PRSS12: variants seen among roughly 807,000 people sequenced by gnomAD.
PRSS12 encodes the protein neurotrypsin.
Under a neutral mutation model 104.4 loss-of-function variants are expected in PRSS12, and 85 were observed. The observed-to-expected ratio is 0.81, with a 90% CI of 0.68 to 0.98. The LOEUF (loss-of-function observed/expected upper bound fraction) is 0.98. Among genes scored for constraint, PRSS12 ranks in the 50% least tolerant of loss-of-function variants. The pLI is 0.00. For missense variants in PRSS12, 1,141 were observed against 1,139.2 expected (o/e 1.00, Z -0.02); for synonymous variants, 454 against 425.2 (o/e 1.07, Z -0.83).
intron 11 of PRSS12, among the ~76,000 whole-genome samples, chr4:118,291,176 T>C (rs141461145): frequency 6.6e-6 from 1 of 152,278 alleles, no homozygotes; most frequent in Non-Finnish European, 1.5e-5. Context: ...GGTTTCCCAC[T>C]ACCTAGTAAA....
intron 4 of PRSS12, among the ~76,000 whole-genome samples, chr4:118,326,679 C>T (rs1723779344): frequency 6.6e-6 from 1 of 152,130 alleles, no homozygotes; most frequent in Non-Finnish European, 1.5e-5. Flanking sequence ...CTTATTAACA[C>T]CTCGCCATTT....
At position 118,352,175 on chromosome 4, in the gene PRSS12, C is replaced by A; in HGVS notation, c.502+44G>T. ...ACGCCGGCCCCAAGCCTCACTGGCT[C>A]CGAGCCCGTCCGGAGTTTCCGCGGC... On this transcript the variant is annotated intron_variant, in intron 1 of 12. Transcript: ENST00000296498. 2 of 1,607,118 alleles carry A rather than the reference C, an allele frequency of 1.2e-6. 1 individual carries two copies. Among genetic ancestry groups the A allele is most frequent in the South Asian group, 2.2e-5 (2 of 89,832 alleles).
intron 11 of PRSS12, among the ~76,000 whole-genome samples, chr4:118,289,260 A>T (rs1383996009): frequency 6.6e-6 from 1 of 152,212 alleles, no homozygotes; most frequent in Non-Finnish European, 1.5e-5. Flanking sequence ...AAATAACACA[A>T]ATGGTAATAA....
chr4:118,281,891 A>T lies in PRSS12; in HGVS notation c.*45T>A. 1.1e-6 allele frequency: 1 copy of T among 901,670 alleles called. No homozygotes were observed. The highest frequency in any genetic ancestry group is 1.9e-6 in the Non-Finnish European group (1 of 528,654). 55.9% of individuals were successfully genotyped at this position (901,670 alleles called of 1,614,324 possible). On this transcript the variant is annotated 3_prime_UTR_variant, in exon 13 of 13. Transcript: ENST00000296498. Reference sequence around the variant, plus strand: ...CTGAGTGCTAATAGTGGGGGTTCAAAGTTTTCCATTTGTTTAAATGCTGCT... The same window carrying T: ...CTGAGTGCTAATAGTGGGGGTTCAATGTTTTCCATTTGTTTAAATGCTGCT...
In PRSS12 at chr4:118,309,335, T is replaced by C. The variant is rs573737000; in HGVS notation, c.1490-758A>G. 3.3e-5 allele frequency among the ~76,000 whole-genome samples: 5 copies of C among 152,342 alleles called. No individual in the cohort carries two copies. The South Asian group carries it at 6.2e-4, about 19-fold the overall frequency. ...CTCACTGTGACTTGCATGGGTTGAA[T>C]TGTGAGGTCATTAGGGTGAGCCCTA... On this transcript the variant is annotated intron_variant, in intron 7 of 12. Transcript: ENST00000296498.
chr4:118,336,718 T>C (rs1359100336), intron 2 of PRSS12, among the ~76,000 whole-genome samples: 1 of 152,252 alleles, frequency 6.6e-6, no homozygotes, highest in East Asian at 1.9e-4. Flanking sequence ...AGCGTTCTTG[T>C]TTCTTTGTAT....
At position 118,331,768 on chromosome 4, in the gene PRSS12, C is replaced by T; in HGVS notation, c.919G>A (p.Asp307Asn). The change falls in exon 4 of 13, where the codon GAC becomes AAC. Residue 307 changes from aspartate to asparagine, a missense_variant. Physicochemically the swap from Asp to Asn is conservative, Grantham distance 23 (BLOSUM62 1). Coordinates refer to ENST00000296498, the MANE Select transcript of PRSS12 (RefSeq NM_003619.4). ...HAGQWGTVCD[D>N]QWDDADAEVI... ...TCTGCATCGGCATCATCCCATTGGT[C>T]ATCACAAACGGTTCCCCACTGGCCA... is the stretch of plus-strand genomic sequence containing the variant. 2 of 1,614,170 alleles carry T rather than the reference C, an allele frequency of 1.2e-6. No homozygotes were observed. Among genetic ancestry groups the T allele is most frequent in the Non-Finnish European group, 8.5e-7 (1 of 1,180,032 alleles).
intron 11 of PRSS12, among the ~76,000 whole-genome samples, chr4:118,286,465 C>CCTA (rs1239582137): frequency 5.3e-5 from 8 of 152,158 alleles, no homozygotes; most frequent in African/African-American, 1.9e-4. Flanking sequence ...GGAGGCTCCT[C>CCTA]CTAATCTTCT....
At chr4:118,290,920 G>A (rs933683726) in intron 11 of PRSS12, among the ~76,000 whole-genome samples, 19 of 151,220 alleles carry the variant, frequency 1.3e-4, no homozygotes, top group Non-Finnish European at 2.7e-4. Context: ...ATAAAATTAG[G>A]TCCCTTCCTC....
chr4:118,326,279 C>A (rs1463635154), intron 4 of PRSS12, among the ~76,000 whole-genome samples: 1 of 152,068 alleles, frequency 6.6e-6, no homozygotes, highest in Non-Finnish European at 1.5e-5. Flanking sequence ...GAAAACAATC[C>A]CCGCCATCTC....
In PRSS12 at chr4:118,352,902, T is replaced by TGGAATTAAAGG; in HGVS notation, c.-183_-182insCCTTTAATTCC. 7.2e-7 allele frequency: 1 copy of TGGAATTAAAGG among 1,393,318 alleles called. No individual in the cohort carries two copies. Among genetic ancestry groups the TGGAATTAAAGG allele is most frequent in the Non-Finnish European group, 9.3e-7 (1 of 1,074,052 alleles). The allele number at this position is 1,393,318 out of a possible 1,614,324, so 86.3% of individuals were successfully genotyped here. On this transcript the variant is annotated 5_prime_UTR_variant, in exon 1 of 13. Coordinates refer to ENST00000296498, the MANE Select transcript of PRSS12 (RefSeq NM_003619.4). ...CCCGCCGCTGGTGCCCTGCCGCGCCTCGGCTCCTGTCCCCTGGCGGCGGCC... is the reference window on the plus strand; with the variant it reads ...CCCGCCGCTGGTGCCCTGCCGCGCCTGGAATTAAAGGCGGCTCCTGTCCCCTGGCGGCGGCC...
rs1407485538 is a variant in PRSS12, at chr4:118,281,718, G to C, written c.*218C>G. Reference sequence around the variant, plus strand: ...GAATAAGTCACTCCAGTGAAATTAGGGTAGAAAATGTTCATTTAAGGATTA... The same window carrying C: ...GAATAAGTCACTCCAGTGAAATTAGCGTAGAAAATGTTCATTTAAGGATTA... On this transcript the variant is annotated 3_prime_UTR_variant, in exon 13 of 13. Coordinates refer to ENST00000296498, the MANE Select transcript of PRSS12 (RefSeq NM_003619.4). The C allele has an allele frequency of 1.7e-6, 1 of 587,402 alleles. No individual in the cohort carries two copies. The highest frequency in any genetic ancestry group is 1.9e-5 in the African/African-American group (1 of 53,620). The allele number at this position is 587,402 out of a possible 1,614,324, so 36.4% of individuals were successfully genotyped here.
chr4:118,329,982 G>A (rs959990584), intron 4 of PRSS12, among the ~76,000 whole-genome samples: 39 of 152,040 alleles, frequency 2.6e-4, no homozygotes, highest in African/African-American at 8.7e-4. Context: ...TCTCATAAAC[G>A]TACTTGTTAG....
At position 118,282,156 on chromosome 4, in the gene PRSS12, G is replaced by C; in HGVS notation, c.2408C>G (p.Thr803Arg). 6.2e-7 allele frequency: 1 copy of C among 1,614,184 alleles called. No individual in the cohort carries two copies. The highest frequency in any genetic ancestry group is 8.5e-7 in the Non-Finnish European group (1 of 1,180,038). ...FCEERYKGRFTGRMLCAGNLH... is the reference protein window; with the variant it reads ...FCEERYKGRFRGRMLCAGNLH... ...GTTTCCAGCACAAAGCATTCTCCCTGTAAACCGACCCTTATAACGTTCTTC... is the reference window on the plus strand; with the variant it reads ...GTTTCCAGCACAAAGCATTCTCCCTCTAAACCGACCCTTATAACGTTCTTC... The change falls in exon 13 of 13, where the codon ACA (threonine) becomes AGA (arginine). Residue 803 changes from threonine (T) to arginine (R), a missense_variant. By Grantham distance (71) the Thr-to-Arg change is moderately conservative. Transcript: ENST00000296498.
In PRSS12 at chr4:118,352,814, T is replaced by A. The variant is rs1177827733; in HGVS notation, c.-94A>T. ...GGCGGGGGCGGGGCTGCCGCGTCCC[T>A]CGAATCCCCCAGCCCCCTCCCGCCC... On this transcript the variant is annotated 5_prime_UTR_variant, in exon 1 of 13. Coordinates refer to ENST00000296498, the MANE Select transcript of PRSS12 (RefSeq NM_003619.4). 13 of 1,549,168 alleles carry A rather than the reference T, an allele frequency of 8.4e-6. No individual in the cohort carries two copies. Among genetic ancestry groups the A allele is most frequent in the African/African-American group, 2.7e-5 (2 of 73,630 alleles).
chr4:118,318,563 A>C lies in PRSS12; in HGVS notation c.972-7T>G. ...CCATGCTTTGGCAATGCCACTGAAC[A>C]AATAAAAGAATGTAAGGATTCTGGA... On this transcript the variant is annotated splice_region_variant and splice_polypyrimidine_tract_variant and intron_variant, in intron 4 of 12. Coordinates refer to ENST00000296498, the MANE Select transcript of PRSS12 (RefSeq NM_003619.4). The C allele has an allele frequency of 6.2e-7, 1 of 1,613,366 alleles. No homozygotes were observed. The highest frequency in any genetic ancestry group is 1.3e-5 in the African/African-American group (1 of 75,034).
At chr4:118,298,013 C>T (rs788666) in intron 9 of PRSS12, among the ~76,000 whole-genome samples, 44,041 of 151,406 alleles carry the variant, frequency 0.29, 7,891 homozygotes, top group Middle Eastern at 0.43. Flanking sequence ...TGGCAGGCGC[C>T]TGTAATCCCA....
chr4:118,352,812 C>A lies in PRSS12; in HGVS notation c.-92G>T. On this transcript the variant is annotated 5_prime_UTR_variant, in exon 1 of 13. Transcript: ENST00000296498. Reference sequence around the variant, plus strand: ...GGGGCGGGGGCGGGGCTGCCGCGTCCCTCGAATCCCCCAGCCCCCTCCCGC... The same window carrying A: ...GGGGCGGGGGCGGGGCTGCCGCGTCACTCGAATCCCCCAGCCCCCTCCCGC... 6.5e-7 allele frequency: 1 copy of A among 1,550,110 alleles called. No individual in the cohort carries two copies. Among genetic ancestry groups the A allele is most frequent in the Non-Finnish European group, 8.7e-7 (1 of 1,152,796 alleles).
At chr4:118,319,950 T>C (rs901032469) in intron 4 of PRSS12, among the ~76,000 whole-genome samples, 5 of 152,190 alleles carry the variant, frequency 3.3e-5, no homozygotes, top group Non-Finnish European at 5.9e-5. Flanking sequence ...GTGCTGGGAT[T>C]ACAAGTACGA....
Sources: gnomAD v4.1 joint callset for allele counts (sites outside exome capture counted in the v4.1 genomes callset) on GRCh38, gnomAD v4.1.1 for gene constraint, MANE v1.5 for transcripts, NCBI Gene and HGNC (gene_info 2026-07-23, HGNC 2026-07-21) for gene names.